Variants in NMS observed in about 807,000 individuals in gnomAD.
The protein encoded by NMS is neuromedin-S.
In NMS, 30 loss-of-function variants were observed where a neutral mutation model predicts 32.2. The observed-to-expected ratio is 0.93, with a 90% CI of 0.70 to 1.26. The LOEUF is 1.26. NMS is among the 50% of genes most tolerant of loss of function. The pLI, the probability that NMS is intolerant of heterozygous loss-of-function variation, is 0.00. For missense variants in NMS, 190 were observed against 186.3 expected (o/e 1.02, Z -0.12); for synonymous variants, 76 against 58.5 (o/e 1.30, Z -1.37).
At position 100,472,807 on chromosome 2, in the gene NMS, C is replaced by G; in HGVS notation, c.89C>G (p.Pro30Arg). 6.2e-7 allele frequency: 1 copy of G among 1,608,072 alleles called. No individual in the cohort carries two copies. The highest frequency in any genetic ancestry group is 1.1e-5 in the South Asian group (1 of 90,780). Residue 30 changes from proline (P) to arginine (R), a missense_variant, in exon 2 of 10, where the codon CCT (proline) becomes CGT (arginine). Pro to Arg is a moderately radical substitution (Grantham distance 103, BLOSUM62 -2). Coordinates refer to ENST00000376865, the MANE Select transcript of NMS (RefSeq NM_001011717.1). The part of the protein sequence containing the change: ...LQIPSSGFPQ[P>R]LADPSDGLDI... ...TTTCTCACAATAGGATTTCCTCAAC[C>G]TTTAGCTGATCCTTCAGATGGCTTG...
chr2:100,476,850 T>A (rs72823229), intron 3 of NMS, among the ~76,000 whole-genome samples: 4,761 of 152,242 alleles, frequency 0.031, 120 homozygotes, highest in African/African-American at 0.068. Context: ...AAAAGAAGCT[T>A]GACCAATATG....
At chr2:100,475,067 C>A (rs1271819521) in intron 3 of NMS, among the ~76,000 whole-genome samples, 1 of 152,152 alleles carries the variant, frequency 6.6e-6, no homozygotes, top group Non-Finnish European at 1.5e-5. Context: ...TTATGAGGAT[C>A]CCCAAGAGCA....
chr2:100,481,200 C>T, intron 8 of NMS, 33 bp downstream of exon 8: 1 of 1,603,668 alleles, frequency 6.2e-7, no homozygotes, highest in Non-Finnish European at 8.5e-7. Flanking sequence ...TGCTTTCTAA[C>T]CTCGATTCAC....
chr2:100,473,422 C>G, intron 2 of NMS, 67 bp from the exon 3 acceptor site: 1 of 809,724 alleles, frequency 1.2e-6, no homozygotes. Context: ...ATTTGATTAC[C>G]CATTAATCAA....
At chr2:100,478,574 C>T (rs551232282) in intron 5 of NMS, among the ~76,000 whole-genome samples, 38 of 152,310 alleles carry the variant, frequency 2.5e-4, no homozygotes, top group Non-Finnish European at 4.4e-5. Flanking sequence ...GCCATGATCT[C>T]TTGCCTTAGC....
At chr2:100,474,869 G>A (rs966799341) in intron 3 of NMS, among the ~76,000 whole-genome samples, 12 of 152,304 alleles carry the variant, frequency 7.9e-5, no homozygotes, top group African/African-American at 2.6e-4. Flanking sequence ...AATCTTTACA[G>A]CCTTGGACCT....
At chr2:100,481,094 T>G (rs1427313849) in intron 7 of NMS, 32 bp from the exon 8 acceptor site, 1 of 1,612,716 alleles carries the variant, frequency 6.2e-7, no homozygotes, top group African/African-American at 1.3e-5. Flanking sequence ...GCAATATGGT[T>G]GCATAATGGC....
chr2:100,482,326 A>G lies in NMS; in HGVS notation c.449+15A>G. On this transcript the variant is annotated intron_variant, in intron 9 of 9. Transcript: ENST00000376865. ...GATGAGGCCCAGTAGGTAGTCCAAG[A>G]TCAGCTTCATCACCCTTTTTCTCTT... The G allele has an allele frequency of 6.2e-7, 1 of 1,612,682 alleles. No homozygotes were observed. Among genetic ancestry groups the G allele is most frequent in the African/African-American group, 1.3e-5 (1 of 74,924 alleles).
chr2:100,479,244 C>T (rs1677169667), intron 5 of NMS, 109 bp from the exon 6 acceptor site: 2 of 729,464 alleles, frequency 2.7e-6, no homozygotes, highest in African/African-American at 1.8e-5. Context: ...AAAATTAAAC[C>T]CATTTGTAAG....
At chr2:100,473,874 T>C (rs953207135) in intron 3 of NMS, among the ~76,000 whole-genome samples, 2 of 152,104 alleles carry the variant, frequency 1.3e-5, no homozygotes, top group Admixed American at 6.6e-5. Context: ...ATAGTTATCA[T>C]TTAAAAGACT....
chr2:100,478,555 C>T (rs1055911692), intron 5 of NMS, among the ~76,000 whole-genome samples: 31 of 152,170 alleles, frequency 2.0e-4, no homozygotes, highest in Admixed American at 2.0e-3. Flanking sequence ...CTCCGCCTCC[C>T]GGCTTCAAGC....
intron 3 of NMS, among the ~76,000 whole-genome samples, chr2:100,476,141 A>C (rs958686349): frequency 6.6e-6 from 1 of 152,226 alleles, no homozygotes; most frequent in Non-Finnish European, 1.5e-5. Context: ...AACAGTATAC[A>C]GCTGATGAAT....
intron 6 of NMS, 55 bp downstream of exon 6, chr2:100,479,482 G>A (rs1388654887): frequency 1.1e-5 from 16 of 1,461,362 alleles, no homozygotes; most frequent in Non-Finnish European, 1.5e-5. Flanking sequence ...TCATTGAATC[G>A]TGGTAAAAGC....
intron 2 of NMS, among the ~76,000 whole-genome samples, chr2:100,473,269 T>C (rs1446488603): frequency 1.3e-5 from 2 of 152,174 alleles, no homozygotes; most frequent in Admixed American, 6.5e-5. Context: ...ACATTTACCT[T>C]AAATAGTTAC....
chr2:100,477,899 C>T (rs565931892), intron 5 of NMS, among the ~76,000 whole-genome samples: 9 of 152,048 alleles, frequency 5.9e-5, no homozygotes, highest in Non-Finnish European at 1.2e-4. Flanking sequence ...GAGTTACCCT[C>T]GAAAGCAGCT....
intron 8 of NMS, among the ~76,000 whole-genome samples, chr2:100,482,064 G>A (rs1047145287): frequency 1.3e-5 from 2 of 152,198 alleles, no homozygotes; most frequent in Non-Finnish European, 2.9e-5. Context: ...TGGGGTCCTA[G>A]GAGCAGTGAG....
At chr2:100,472,871 G>T (rs373975833) in intron 2 of NMS, 21 bp downstream of exon 2, 9 of 1,564,868 alleles carry the variant, frequency 5.8e-6, no homozygotes, top group Non-Finnish European at 7.9e-6. Flanking sequence ...ATTCAGTAAT[G>T]TGAGATTTTT....
intron 1 of NMS, among the ~76,000 whole-genome samples, chr2:100,472,044 A>T (rs971554128): frequency 3.4e-4 from 52 of 152,210 alleles, no homozygotes; most frequent in African/African-American, 1.2e-3. Context: ...TGGCTCAGAG[A>T]GAACGCAGGG....
Position 100,477,387 on chromosome 2 carries a change from G to A in NMS, c.234G>A (p.Gln78=), listed in dbSNP as rs1421595315. 3.7e-6 allele frequency: 6 copies of A among 1,613,258 alleles called. No individual in the cohort carries two copies. In the African/African-American group the frequency reaches 5.3e-5, roughly 14 times the overall value. Residue 78 remains glutamine (Q), a synonymous_variant, in exon 5 of 10, where the codon CAG becomes CAA. Transcript: ENST00000376865. The part of the protein sequence containing the change: ...KRFLFHYSRT[Q]EATHPVKTGF... ...TTTTGTTTCACTACTCCAGAACTCA[G>A]GAGGCAACACATCCAGTTAAAACTG...
Sources: allele counts gnomAD v4.1 joint callset (sites outside exome capture counted in the v4.1 genomes callset), GRCh38; gene constraint gnomAD v4.1.1; transcripts MANE v1.5; gene names NCBI Gene and HGNC (gene_info 2026-07-23, HGNC 2026-07-21).